CDK10: variants seen among roughly 807,000 people sequenced by gnomAD.
The protein encoded by CDK10 is cyclin dependent kinase 10.
In CDK10, 55 loss-of-function variants were observed where a neutral mutation model predicts 51.0. The observed-to-expected ratio is 1.08, with a 90% CI of 0.87 to 1.35. The LOEUF (loss-of-function observed/expected upper bound fraction) is 1.35. Among genes scored for constraint, CDK10 ranks in the 40% most tolerant of loss-of-function variants. The pLI, the probability that CDK10 is intolerant of heterozygous loss-of-function variation, is 0.00. For synonymous variants in CDK10, 255 were observed against 199.1 expected, an observed-to-expected ratio of 1.28 and a Z score of -2.36; for missense variants, 589 against 485.1, an observed-to-expected ratio of 1.21 and a Z score of -2.01.
chr16:89,692,599 A>T, intron 6 of CDK10, 83 bp downstream of exon 6: 1 of 1,016,462 alleles, frequency 9.8e-7, no homozygotes. Context: ...CTAAAAGCTC[A>T]GGGGTTCCCA....
At chr16:89,692,321 C>G in intron 5 of CDK10, 128 bp from the exon 6 acceptor site, 1 of 672,436 alleles carries the variant, frequency 1.5e-6, no homozygotes, top group Non-Finnish European at 2.5e-6. Context: ...GGGCCGAGAG[C>G]CTTCTGAGGG....
At chr16:89,694,603 G>T (rs1280959581) in intron 9 of CDK10, 62 bp from the exon 10 acceptor site, 2 of 1,550,992 alleles carry the variant, frequency 1.3e-6, no homozygotes, top group East Asian at 2.4e-5. Flanking sequence ...CAGGTCCTCT[G>T]TTCCTCGCGC....
chr16:89,692,297 A>G, intron 5 of CDK10, 152 bp from the exon 6 acceptor site: 1 of 560,186 alleles, frequency 1.8e-6, no homozygotes, highest in Non-Finnish European at 3.1e-6. Flanking sequence ...GGCTGCTGGG[A>G]GCGTGCAGCC....
chr16:89,686,848 C>T (rs746819394), intron 1 of CDK10, 51 bp downstream of exon 1: 11 of 1,501,968 alleles, frequency 7.3e-6, no homozygotes, highest in African/African-American at 1.4e-5. Context: ...AGCGGCACTG[C>T]CCGGCTGGGT....
chr16:89,692,494 C>A lies in CDK10; in HGVS notation c.463C>A (p.His155Asn). Residue 155 changes from histidine to asparagine, a missense_variant, in exon 6 of 13, where the codon CAC (histidine) becomes AAC (asparagine). His to Asn is a moderately conservative substitution (Grantham distance 68). Coordinates refer to ENST00000353379, the MANE Select transcript of CDK10 (RefSeq NM_052988.5). Reference sequence around the variant, plus strand: ...GGTGCTCCGGGGCCTCCAGTATCTGCACAGGAACTTCATTATCCACAGGTG... The same window carrying A: ...GGTGCTCCGGGGCCTCCAGTATCTGAACAGGAACTTCATTATCCACAGGTG... ...LQVLRGLQYLHRNFIIHRDLK... is the reference protein window; with the variant it reads ...LQVLRGLQYLNRNFIIHRDLK... The A allele has an allele frequency of 6.3e-7, 1 of 1,595,762 alleles. No homozygotes were observed. The highest frequency in any genetic ancestry group is 8.5e-7 in the Non-Finnish European group (1 of 1,170,946).
chr16:89,692,468 A>C lies in CDK10; in HGVS notation c.437A>C (p.Gln146Pro). The change falls in exon 6 of 13, where the codon CAG (glutamine) becomes CCG (proline). Residue 146 changes from glutamine to proline, a missense_variant. By Grantham distance (76) the Gln-to-Pro change is moderately conservative. Transcript: ENST00000353379. ...GCACAGGTCAAGTGCATCGTGCTGC[A>C]GGTGCTCCGGGGCCTCCAGTATCTG... is the stretch of plus-strand genomic sequence containing the variant. ...SEAQVKCIVLQVLRGLQYLHR... is the reference protein window; with the variant it reads ...SEAQVKCIVLPVLRGLQYLHR... 1 of 1,596,564 alleles carries C rather than the reference A, an allele frequency of 6.3e-7. No homozygotes were observed. Among genetic ancestry groups the C allele is most frequent in the Non-Finnish European group, 8.5e-7 (1 of 1,171,288 alleles).
chr16:89,692,494 C>CA lies in CDK10; in HGVS notation c.464dup (p.His155GlnfsTer54). Reference sequence around the variant, plus strand: ...GGTGCTCCGGGGCCTCCAGTATCTGCACAGGAACTTCATTATCCACAGGTG... The same window carrying CA: ...GGTGCTCCGGGGCCTCCAGTATCTGCAACAGGAACTTCATTATCCACAGGTG... On this transcript the variant is annotated frameshift_variant, in exon 6 of 13. Coordinates refer to ENST00000353379, the MANE Select transcript of CDK10 (RefSeq NM_052988.5). LOFTEE classifies it high-confidence loss of function. 1 of 1,595,762 alleles carries CA rather than the reference C, an allele frequency of 6.3e-7. No homozygotes were observed. Among genetic ancestry groups the CA allele is most frequent in the Non-Finnish European group, 8.5e-7 (1 of 1,170,946 alleles).
intron 9 of CDK10, 93 bp downstream of exon 9, chr16:89,694,325 GC>G: frequency 7.6e-7 from 1 of 1,314,866 alleles, no homozygotes; most frequent in Non-Finnish European, 1.1e-6. Flanking sequence ...CAGGGGAGGG[GC>G]AGGAGTGCAG....
At chr16:89,692,088 A>C (rs2060477035) in intron 5 of CDK10, 2 of 604,214 alleles carry the variant, frequency 3.3e-6, no homozygotes, top group African/African-American at 1.9e-5. Context: ...CAGGGCCGAG[A>C]GCCTTATGAG....
intron 5 of CDK10, 197 bp downstream of exon 5, chr16:89,692,084 C>G (rs535568851): frequency 6.6e-6 from 4 of 607,418 alleles, no homozygotes; most frequent in African/African-American, 3.7e-5. Flanking sequence ...GCCCCAGGGC[C>G]GAGAGCCTTA....
intron 3 of CDK10, among the ~76,000 whole-genome samples, chr16:89,691,119 C>G (rs1298465518): frequency 6.6e-6 from 1 of 152,196 alleles, no homozygotes; most frequent in Non-Finnish European, 1.5e-5. Context: ...AACCCCATCT[C>G]TACTAAAAAT....
In CDK10 at chr16:89,686,698, G is replaced by A; in HGVS notation, c.-13G>A. The A allele has an allele frequency of 6.4e-7, 1 of 1,564,076 alleles. No homozygotes were observed. Among genetic ancestry groups the A allele is most frequent in the South Asian group, 1.2e-5 (1 of 86,216 alleles). Reference sequence around the variant, plus strand: ...TGCGCCTGCGCGCAAGAGAGGCGGGGCCAGCGCTCGGCATGGCGGAGCCAG... The same window carrying A: ...TGCGCCTGCGCGCAAGAGAGGCGGGACCAGCGCTCGGCATGGCGGAGCCAG... On this transcript the variant is annotated 5_prime_UTR_variant, in exon 1 of 13. Transcript: ENST00000353379.
intron 3 of CDK10, 28 bp from the exon 4 acceptor site, chr16:89,691,415 G>C: frequency 2.6e-6 from 4 of 1,555,422 alleles, no homozygotes; most frequent in Non-Finnish European, 3.5e-6. Context: ...ACTGGGGTGG[G>C]GCTCGCTGAG....
intron 8 of CDK10, 56 bp from the exon 9 acceptor site, chr16:89,694,117 G>C: frequency 1.9e-6 from 3 of 1,564,942 alleles, no homozygotes. Context: ...GTCCTGTGGA[G>C]GCCTGGGCTG....
At chr16:89,694,845 C>A (rs1469474246) in intron 10 of CDK10, 57 bp downstream of exon 10, 11 of 1,511,634 alleles carry the variant, frequency 7.3e-6, no homozygotes, top group Non-Finnish European at 9.8e-6. Flanking sequence ...TCTGCGCCCG[C>A]AGCCCCCGCC....
intron 12 of CDK10, 90 bp from the exon 13 acceptor site, chr16:89,695,504 CA>C: frequency 6.7e-7 from 1 of 1,503,496 alleles, no homozygotes; most frequent in Non-Finnish European, 9.1e-7. Context: ...AGCCCAGGGC[CA>C]GGTCCAGAGG....
At chr16:89,692,572 C>T (rs1396699691) in intron 6 of CDK10, 56 bp downstream of exon 6, 2 of 1,338,336 alleles carry the variant, frequency 1.5e-6, no homozygotes, top group East Asian at 2.5e-5. Flanking sequence ...CCTAACTCTG[C>T]TGCCCCTGTG....
rs1028901469 is a variant in CDK10, at chr16:89,691,430, C to T, written c.233-13C>T. Reference sequence around the variant, plus strand: ...ACTGGGGTGGGGCTCGCTGAGGCCACCTCCCTCCCCAGGCATCCCCATCAG... The same window carrying T: ...ACTGGGGTGGGGCTCGCTGAGGCCATCTCCCTCCCCAGGCATCCCCATCAG... On this transcript the variant is annotated splice_polypyrimidine_tract_variant and intron_variant, in intron 3 of 12. Transcript: ENST00000353379. 5.7e-6 allele frequency: 9 copies of T among 1,590,394 alleles called. No individual in the cohort carries two copies. In the African/African-American group the frequency reaches 6.7e-5, roughly 12 times the overall value.
intron 2 of CDK10, 164 bp from the exon 3 acceptor site, chr16:89,690,389 G>A (rs2060389450): frequency 1.2e-5 from 8 of 646,282 alleles, no homozygotes; most frequent in South Asian, 3.5e-5. Context: ...AACGCGTCTC[G>A]GGCTAGGGGC....
Sources: allele counts gnomAD v4.1 joint callset (sites outside exome capture counted in the v4.1 genomes callset), GRCh38; gene constraint gnomAD v4.1.1; transcripts MANE v1.5; gene names NCBI Gene and HGNC (gene_info 2026-07-23, HGNC 2026-07-21).